SCN10A: variants seen among roughly 807,000 people sequenced by gnomAD.
SCN10A encodes the protein sodium channel protein type 10 subunit alpha.
Under a neutral mutation model 170.7 loss-of-function variants are expected in SCN10A, and 162 were observed. That is an observed-to-expected ratio of 0.95 (90% CI 0.84 to 1.08). The LOEUF is 1.08. Among genes scored for constraint, SCN10A ranks in the 50% least tolerant of loss-of-function variants. The probability of loss-of-function intolerance (pLI) is 0.00; values close to 1 mark genes in which losing one functional copy is unlikely to be tolerated. For synonymous variants in SCN10A, 985 were observed against 904.6 expected (o/e 1.09, Z -1.59); for missense variants, 2,527 against 2,436.9 (o/e 1.04, Z -0.78).
At chr3:38,740,381 A>C (rs771079501) in intron 14 of SCN10A, among the ~76,000 whole-genome samples, 3 of 152,230 alleles carry the variant, frequency 2.0e-5, no homozygotes, top group Non-Finnish European at 4.4e-5. Context: ...AGCAACGACC[A>C]GGGTCAGGTG....
At chr3:38,717,919 G>C (rs2063349488) in intron 21 of SCN10A, among the ~76,000 whole-genome samples, 1 of 152,256 alleles carries the variant, frequency 6.6e-6, no homozygotes, top group South Asian at 2.1e-4. Context: ...AGAGATGACT[G>C]AGGAATCACA....
chr3:38,769,755 C>T (rs565458714), intron 5 of SCN10A, among the ~76,000 whole-genome samples: 1 of 152,248 alleles, frequency 6.6e-6, no homozygotes, highest in African/African-American at 2.4e-5. Flanking sequence ...TGGGTGATCT[C>T]TTGATGTGGT....
At chr3:38,711,565 A>G (rs1257058496) in intron 23 of SCN10A, among the ~76,000 whole-genome samples, 2 of 152,234 alleles carry the variant, frequency 1.3e-5, no homozygotes, top group Admixed American at 1.3e-4. Flanking sequence ...AGCTACTCAG[A>G]GATTATTTGT....
At chr3:38,745,366 T>C (rs1369906277) in intron 13 of SCN10A, among the ~76,000 whole-genome samples, 1 of 152,184 alleles carries the variant, frequency 6.6e-6, no homozygotes, top group East Asian at 1.9e-4. Flanking sequence ...CATTCTCTCC[T>C]GCCACTGCAG....
At chr3:38,766,397 G>A (rs189087246) in intron 5 of SCN10A, among the ~76,000 whole-genome samples, 1 of 152,170 alleles carries the variant, frequency 6.6e-6, no homozygotes, top group Admixed American at 6.5e-5. Flanking sequence ...TTATTACCTT[G>A]GAGTATGTCC....
intron 1 of SCN10A, among the ~76,000 whole-genome samples, chr3:38,803,538 A>G (rs1287950043): frequency 6.6e-6 from 1 of 151,954 alleles, no homozygotes; most frequent in Non-Finnish European, 1.5e-5. Flanking sequence ...TTCTCAGCAA[A>G]CTATCGCAAG....
intron 23 of SCN10A, 149 bp downstream of exon 23, chr3:38,712,012 G>T: frequency 1.4e-6 from 1 of 722,314 alleles, no homozygotes; most frequent in Non-Finnish European, 2.3e-6. Context: ...TAGCCTCATG[G>T]TGTAGTCTGT....
intron 15 of SCN10A, among the ~76,000 whole-genome samples, chr3:38,738,535 A>G (rs1267392572): frequency 5.9e-5 from 9 of 152,120 alleles, no homozygotes; most frequent in African/African-American, 2.2e-4. Context: ...CAACCTCTGG[A>G]TGCCAACACT....
At chr3:38,737,321 A>T (rs563794521) in intron 15 of SCN10A, among the ~76,000 whole-genome samples, 4 of 152,166 alleles carry the variant, frequency 2.6e-5, no homozygotes, top group African/African-American at 9.6e-5. Flanking sequence ...TGGGGGTGTG[A>T]TATCTCCTGC....
Position 38,697,309 on chromosome 3 carries a change from A to T in SCN10A, c.*40T>A, listed in dbSNP as rs142813340. 4.3e-5 allele frequency: 69 copies of T among 1,599,834 alleles called. No individual in the cohort carries two copies. In the East Asian group the frequency reaches 1.5e-3, roughly 34 times the overall value. On this transcript the variant is annotated 3_prime_UTR_variant, in exon 28 of 28. Coordinates refer to ENST00000449082, the MANE Select transcript of SCN10A (RefSeq NM_006514.4). ...GAAAGAGTTAACACAGAGCAGAAGG[A>T]CGCATCATAACTGAACATATCCAGG...
rs765623505 is a variant in SCN10A, at chr3:38,725,286, C to T, written c.3116G>A (p.Cys1039Tyr). 1.9e-6 allele frequency: 3 copies of T among 1,583,014 alleles called. No homozygotes were observed. The highest frequency in any genetic ancestry group is 1.3e-5 in the African/African-American group (1 of 74,594). ...QQEQLQQVER[C>Y]GDHLTPRSPG... ...GCTCCTGGGTGTCAGGTGGTCCCCA[C>T]ACCTCTCGACTTGCTGCAGCTGCTC... The change falls in exon 18 of 28, where the codon TGT becomes TAT. Residue 1039 changes from cysteine (C) to tyrosine (Y), a missense_variant. By Grantham distance (194) the Cys-to-Tyr change is radical. Coordinates refer to ENST00000449082, the MANE Select transcript of SCN10A (RefSeq NM_006514.4).
At chr3:38,804,634 G>A (rs1171163410) in intron 1 of SCN10A, among the ~76,000 whole-genome samples, 4 of 152,138 alleles carry the variant, frequency 2.6e-5, no homozygotes, top group Non-Finnish European at 5.9e-5. Context: ...CCGAAATTGA[G>A]TTTAGGGAAC....
intron 15 of SCN10A, among the ~76,000 whole-genome samples, chr3:38,735,477 T>C (rs933141852): frequency 6.6e-6 from 1 of 152,246 alleles, no homozygotes; most frequent in African/African-American, 2.4e-5. Flanking sequence ...CTGAATTATG[T>C]AAAGATTATA....
At chr3:38,766,308 G>T (rs1218521272) in intron 5 of SCN10A, among the ~76,000 whole-genome samples, 1 of 152,070 alleles carries the variant, frequency 6.6e-6, no homozygotes, top group Non-Finnish European at 1.5e-5. Context: ...TCCTTGTCTT[G>T]TTTCAGTTCT....
rs561323138 is a variant in SCN10A, at chr3:38,794,055, G to T, written c.-32-13C>A. On this transcript the variant is annotated splice_polypyrimidine_tract_variant and intron_variant, in intron 1 of 27. Transcript: ENST00000449082. ...AAGTATTTATACTCTTATAAGAGTG[G>T]ACATAACCACAGAGAGGTGACAGCT... The T allele has an allele frequency of 9.6e-6, 15 of 1,569,820 alleles. No individual in the cohort carries two copies. In the Admixed American group the frequency reaches 1.5e-4, roughly 16 times the overall value.
rs2064369129 is a variant in SCN10A at position 38,801,273 on chromosome 3, T to C, written c.-32-7231A>G. On this transcript the variant is annotated intron_variant, in intron 1 of 27. Coordinates refer to ENST00000449082, the MANE Select transcript of SCN10A (RefSeq NM_006514.4). ...TACTCAAATCCTCGATTCACAACAGTAACAACAGCACCTCATTATGTACAG... is the reference window on the plus strand; with the variant it reads ...TACTCAAATCCTCGATTCACAACAGCAACAACAGCACCTCATTATGTACAG... Among the ~76,000 whole-genome samples, 4 of 152,164 alleles carry C rather than the reference T, an allele frequency of 2.6e-5. No individual in the cohort carries two copies. In the South Asian group the frequency reaches 8.3e-4, roughly 32 times the overall value.
rs928436496 is a variant in SCN10A at position 38,756,845 on chromosome 3, A to G, written c.1119T>C (p.Tyr373=). Reference sequence around the variant, plus strand: ...AGATTACGAGCACAAAAAAGATCATATAGATTTTCCCAGAAGTCCTCAGGG... The same window carrying G: ...AGATTACGAGCACAAAAAAGATCATGTAGATTTTCCCAGAAGTCCTCAGGG... ...QQTLRTSGKI[Y]MIFFVLVIFL... The change falls in exon 10 of 28, where the codon TAT becomes TAC. Residue 373 remains tyrosine (Y), a synonymous_variant. Transcript: ENST00000449082. 3 of 1,614,110 alleles carry G rather than the reference A, an allele frequency of 1.9e-6. No individual in the cohort carries two copies. The African/African-American group carries it at 4.0e-5, about 22-fold the overall frequency.
intron 13 of SCN10A, among the ~76,000 whole-genome samples, chr3:38,747,949 T>C (rs2063708666): frequency 6.6e-6 from 1 of 152,198 alleles, no homozygotes; most frequent in Non-Finnish European, 1.5e-5. Context: ...CCTGCTAGGA[T>C]GTAGATTCCA....
intron 5 of SCN10A, among the ~76,000 whole-genome samples, chr3:38,768,369 G>A (rs1327367870): frequency 6.6e-6 from 1 of 151,842 alleles, no homozygotes; most frequent in Admixed American, 6.6e-5. Context: ...TTCTATTTTG[G>A]TGTATTTTAA....
Sources: allele counts gnomAD v4.1 joint callset (sites outside exome capture counted in the v4.1 genomes callset), GRCh38; gene constraint gnomAD v4.1.1; transcripts MANE v1.5; gene names NCBI Gene and HGNC (gene_info 2026-07-23, HGNC 2026-07-21).